The following MYOM2 variants were observed in gnomAD, a reference collection of about 807,000 sequenced individuals.
The protein encoded by MYOM2 is myomesin-2.
A neutral mutation model predicts 187.6 loss-of-function variants in MYOM2; 254 were observed. That is an observed-to-expected ratio of 1.35 (90% CI 1.22 to 1.50). MYOM2 has a LOEUF of 1.50. Among genes scored for constraint, MYOM2 ranks in the 40% most tolerant of loss-of-function variants. The pLI is 0.00. For missense variants in MYOM2, 2,796 were observed against 1,924.0 expected (o/e 1.45, Z -8.48); for synonymous variants, 981 against 753.8 (o/e 1.30, Z -4.94).
At chr8:2,050,152 G>T (rs1278144855) in intron 1 of MYOM2, among the ~76,000 whole-genome samples, 1 of 152,046 alleles carries the variant, frequency 6.6e-6, no homozygotes, top group Non-Finnish European at 1.5e-5. Context: ...AGTGATTTCT[G>T]GTCACACCCA....
At chr8:2,141,209 C>A in intron 34 of MYOM2, 32 bp downstream of exon 34, 3 of 1,599,388 alleles carry the variant, frequency 1.9e-6, no homozygotes, top group Admixed American at 1.7e-5. Flanking sequence ...ACTATGATAT[C>A]CTGTGGGCAG....
At chr8:2,087,416 G>A (rs545320691) in intron 14 of MYOM2, among the ~76,000 whole-genome samples, 4 of 152,100 alleles carry the variant, frequency 2.6e-5, no homozygotes, top group Non-Finnish European at 4.4e-5. Context: ...TATGCTATCT[G>A]GGGGGTAGAA....
chr8:2,095,993 G>C (rs937881464), intron 17 of MYOM2, among the ~76,000 whole-genome samples: 4 of 152,206 alleles, frequency 2.6e-5, no homozygotes, highest in Admixed American at 2.6e-4. Context: ...TCCTATGGAA[G>C]CCTTAGTAGA....
Position 2,140,783 on chromosome 8 carries a change from G to C in MYOM2, c.3861G>C (p.Trp1287Cys). 6.2e-7 allele frequency: 1 copy of C among 1,614,120 alleles called. No individual in the cohort carries two copies. Among genetic ancestry groups the C allele is most frequent in the Non-Finnish European group, 8.5e-7 (1 of 1,179,988 alleles). The part of the protein sequence containing the change: ...MRIGGSEEMA[W>C]LQICEPTEKD... ...TCGGGGGGAGTGAAGAGATGGCTTG[G>C]CTGCAGATATGTGAGCCGACTGAGA... The change falls in exon 33 of 37, where the codon TGG (tryptophan) becomes TGC (cysteine). Residue 1287 changes from tryptophan (W) to cysteine (C), a missense_variant. Trp to Cys is a radical substitution (Grantham distance 215). Coordinates refer to ENST00000262113, the MANE Select transcript of MYOM2 (RefSeq NM_003970.4).
chr8:2,144,713 T>G lies in MYOM2; in HGVS notation c.4130T>G (p.Ile1377Ser). ...TTTGGAAACCCTGACCCCGAAGTGA[T>G]TTGGTTCAAGAACGACCAGGACATC... ...TVFGNPDPEV[I>S]WFKNDQDIQL... is the part of the protein sequence containing the mutation. The change falls in exon 37 of 37, where the codon ATT (isoleucine) becomes AGT (serine). Residue 1377 changes from isoleucine to serine, a missense_variant. Coordinates refer to ENST00000262113, the MANE Select transcript of MYOM2 (RefSeq NM_003970.4). The G allele has an allele frequency of 1.2e-6, 2 of 1,614,062 alleles. No homozygotes were observed.
chr8:2,055,200 G>A (rs1010429961), intron 3 of MYOM2, among the ~76,000 whole-genome samples: 3 of 152,106 alleles, frequency 2.0e-5, no homozygotes, highest in Admixed American at 6.5e-5. Flanking sequence ...GCATTTTCCC[G>A]CTTTGTTGGG....
In MYOM2 at chr8:2,141,153, C is replaced by A. The variant is rs1280365436; in HGVS notation, c.3977C>A (p.Ala1326Glu). 2 of 1,611,678 alleles carry A rather than the reference C, an allele frequency of 1.2e-6. No homozygotes were observed. The highest frequency in any genetic ancestry group is 1.3e-5 in the African/African-American group (1 of 74,870). The change falls in exon 34 of 37, where the codon GCA (alanine) becomes GAA (glutamate). Residue 1326 changes from alanine to glutamate, a missense_variant. Transcript: ENST00000262113. ...LDLSGQAFDE[A>E]FAEFQQFKAA... is the part of the protein sequence containing the mutation. ...TATTTCCTCACAGCTTTTGATGAAG[C>A]ATTTGCAGAATTCCAGCAATTCAAG... is the stretch of plus-strand genomic sequence containing the variant.
At chr8:2,100,695 G>T (rs1228191877) in intron 19 of MYOM2, among the ~76,000 whole-genome samples, 181 bp from the exon 20 acceptor site, 1 of 140,048 alleles carries the variant, frequency 7.1e-6, no homozygotes, top group African/African-American at 2.5e-5. Context: ...CCAACGTCAT[G>T]CTGAGCACCC....
chr8:2,140,634 C>A, intron 32 of MYOM2, 89 bp from the exon 33 acceptor site: 3 of 1,335,420 alleles, frequency 2.2e-6, no homozygotes, highest in Non-Finnish European at 3.1e-6. Context: ...TTAGAGAAGG[C>A]TGTCACAGCA....
intron 28 of MYOM2, among the ~76,000 whole-genome samples, chr8:2,121,670 A>T (rs10109776): frequency 0.054 from 8,244 of 152,314 alleles, 288 homozygotes; most frequent in African/African-American, 0.095. Flanking sequence ...AGAAAAACTT[A>T]TGCAAGGATG....
At chr8:2,100,124 CCTT>C (rs1354227066) in intron 19 of MYOM2, among the ~76,000 whole-genome samples, 5 of 81,694 alleles carry the variant, frequency 6.1e-5, no homozygotes, top group African/African-American at 2.2e-4. Flanking sequence ...TTCCTTCCTT[CCTT>C]CTTTCCTTCC....
intron 3 of MYOM2, among the ~76,000 whole-genome samples, chr8:2,055,711 G>C (rs975766830): frequency 1.2e-4 from 19 of 152,170 alleles, no homozygotes; most frequent in African/African-American, 4.6e-4. Context: ...GGAAGCGCTG[G>C]TCCATCGGAG....
intron 8 of MYOM2, 87 bp downstream of exon 8, chr8:2,069,584 ATCT>A: frequency 1.2e-5 from 18 of 1,516,006 alleles, no homozygotes; most frequent in Non-Finnish European, 1.6e-5. Context: ...TAAGGGCCAA[ATCT>A]TTTTTTTTTT....
At chr8:2,140,539 A>T (rs1009409700) in intron 32 of MYOM2, among the ~76,000 whole-genome samples, 184 bp from the exon 33 acceptor site, 4 of 152,250 alleles carry the variant, frequency 2.6e-5, no homozygotes, top group Non-Finnish European at 5.9e-5. Flanking sequence ...ATTTAATTTT[A>T]GAAAGTTTTC....
chr8:2,084,165 C>T (rs1009492274), intron 13 of MYOM2, among the ~76,000 whole-genome samples: 17 of 152,126 alleles, frequency 1.1e-4, no homozygotes, highest in Admixed American at 2.6e-4. Context: ...GGTGTGGACA[C>T]GGTGCACGGG....
At chr8:2,051,151 A>G (rs1055987368) in intron 2 of MYOM2, among the ~76,000 whole-genome samples, 7 of 146,188 alleles carry the variant, frequency 4.8e-5, no homozygotes, top group African/African-American at 1.8e-4. Flanking sequence ...ACTGCTCATC[A>G]CATGCCTTCC....
intron 14 of MYOM2, among the ~76,000 whole-genome samples, chr8:2,088,384 C>T (rs903689345): frequency 6.6e-6 from 1 of 152,174 alleles, no homozygotes; most frequent in African/African-American, 2.4e-5. Flanking sequence ...ATCTCGTCAC[C>T]CAGGTAGTGA....
intron 3 of MYOM2, among the ~76,000 whole-genome samples, chr8:2,056,088 C>A (rs1563415815): frequency 1.3e-5 from 2 of 152,184 alleles, no homozygotes; most frequent in African/African-American, 4.8e-5. Context: ...CTGGGGAATA[C>A]AGAGGTGAGA....
chr8:2,141,024 T>A, intron 33 of MYOM2, 117 bp from the exon 34 acceptor site: 1 of 1,325,842 alleles, frequency 7.5e-7, no homozygotes, highest in Non-Finnish European at 1.0e-6. Flanking sequence ...AAAAATAAAT[T>A]TATTCTTTTT....
Sources: gnomAD v4.1 joint callset for allele counts (sites outside exome capture counted in the v4.1 genomes callset) on GRCh38, gnomAD v4.1.1 for gene constraint, MANE v1.5 for transcripts, NCBI Gene and HGNC (gene_info 2026-07-23, HGNC 2026-07-21) for gene names.